Variants in CSNK1G2 observed in about 807,000 individuals in gnomAD.
CSNK1G2 encodes casein kinase I isoform gamma-2.
CSNK1G2 carries 11 observed loss-of-function variants against 48.0 expected under a neutral mutation model. The ratio of observed to expected loss-of-function variants is 0.23; its 90% confidence interval spans 0.14 to 0.38. The LOEUF (loss-of-function observed/expected upper bound fraction) is 0.38, where lower values mean the gene tolerates loss of function less well. Ranked by LOEUF, CSNK1G2 falls within the 10% of genes least tolerant of loss-of-function variation. CSNK1G2 has a pLI of 1.00. For synonymous variants in CSNK1G2, 337 were observed against 254.1 expected (o/e 1.33, Z -3.10); for missense variants, 446 against 595.5 (o/e 0.75, Z 2.61).
intron 1 of CSNK1G2, among the ~76,000 whole-genome samples, chr19:1,943,973 C>T (rs1370113504): frequency 5.9e-5 from 9 of 152,110 alleles, no homozygotes; most frequent in Admixed American, 3.9e-4. Context: ...CCTCGGGTGG[C>T]AGTGGGCAGG....
chr19:1,972,473 T>C (rs1166299369), intron 2 of CSNK1G2, among the ~76,000 whole-genome samples: 1 of 152,236 alleles, frequency 6.6e-6, no homozygotes, highest in Non-Finnish European at 1.5e-5. Flanking sequence ...ATATTGACTA[T>C]GCTCTCCTTA....
At chr19:1,976,246 C>T (rs528573360) in intron 2 of CSNK1G2, 21 of 549,374 alleles carry the variant, frequency 3.8e-5, no homozygotes, top group African/African-American at 8.0e-5. Context: ...GTTCTGAAAA[C>T]GCGGGGACCA....
chr19:1,980,112 AC>A (rs1208584990), intron 11 of CSNK1G2, 36 bp from the exon 12 acceptor site: 1 of 1,611,468 alleles, frequency 6.2e-7, no homozygotes, highest in Non-Finnish European at 8.5e-7. Flanking sequence ...CCCGCCCTGC[AC>A]CCCGGTCCTC....
chr19:1,974,179 A>G (rs965384096), intron 2 of CSNK1G2, among the ~76,000 whole-genome samples: 8 of 152,302 alleles, frequency 5.3e-5, no homozygotes, highest in African/African-American at 1.9e-4. Context: ...GGCATGAGCC[A>G]CTGCACCTGG....
intron 1 of CSNK1G2, among the ~76,000 whole-genome samples, chr19:1,948,484 T>C (rs993696279): frequency 5.9e-5 from 8 of 135,098 alleles, no homozygotes; most frequent in African/African-American, 1.7e-4. Flanking sequence ...GACCGCGCCA[T>C]TGCACTCCAT....
At chr19:1,968,414 G>A (rs1044409106) in intron 1 of CSNK1G2, among the ~76,000 whole-genome samples, 2 of 152,072 alleles carry the variant, frequency 1.3e-5, no homozygotes, top group Non-Finnish European at 2.9e-5. Flanking sequence ...GGACCGTCCT[G>A]CCTCCCGTCG....
chr19:1,960,158 G>A (rs1480524128), intron 1 of CSNK1G2, among the ~76,000 whole-genome samples: 1 of 152,214 alleles, frequency 6.6e-6, no homozygotes, highest in South Asian at 2.1e-4. Flanking sequence ...CGTCAGCACA[G>A]GGGCGTGTAG....
intron 2 of CSNK1G2, chr19:1,975,899 A>G: frequency 1.6e-6 from 1 of 611,988 alleles, no homozygotes; most frequent in Non-Finnish European, 2.0e-6. Context: ...AGCCAGGTTG[A>G]TGGTGCCTGC....
chr19:1,978,537 G>GGGGGCTGCGCAGGGGCA lies in CSNK1G2; in HGVS notation c.298+30_299-45dup. 6.4e-7 allele frequency: 1 copy of GGGGGCTGCGCAGGGGCA among 1,568,980 alleles called. No individual in the cohort carries two copies. Among genetic ancestry groups the GGGGGCTGCGCAGGGGCA allele is most frequent in the African/African-American group, 1.3e-5 (1 of 74,082 alleles). ...GTACCGGGCGGCCCGCGGGTGGGGC[G>GGGGGCTGCGCAGGGGCA]GGGGCTGCGCAGGGGCAGGGAGGGG... is the stretch of plus-strand genomic sequence containing the variant. On this transcript the variant is annotated intron_variant, in intron 4 of 11. Transcript: ENST00000255641. This position sits in a 1 kb window ranked among gnomAD's most constrained non-coding sequence, Gnocchi z 7.3.
chr19:1,979,557 G>C lies in CSNK1G2; in HGVS notation c.916G>C (p.Asp306His). The change falls in exon 9 of 12, where the codon GAC (aspartate) becomes CAC (histidine). Residue 306 changes from aspartate (D) to histidine (H), a missense_variant. This residue lies in a region of CSNK1G2 where 188 missense variants were observed against 179.6 expected (regional missense o/e 1.05). Transcript: ENST00000255641. ...RLDFFEKPDY[D>H]YLRKLFTDLF... ...GGACTTCTTCGAGAAGCCCGACTATGACTACCTGCGGAAGCTCTTCACCGA... is the reference window on the plus strand; with the variant it reads ...GGACTTCTTCGAGAAGCCCGACTATCACTACCTGCGGAAGCTCTTCACCGA... The C allele has an allele frequency of 6.2e-7, 1 of 1,609,080 alleles. No homozygotes were observed. Among genetic ancestry groups the C allele is most frequent in the Non-Finnish European group, 8.5e-7 (1 of 1,179,818 alleles).
chr19:1,963,594 G>A (rs992679949), intron 1 of CSNK1G2, among the ~76,000 whole-genome samples: 1 of 148,582 alleles, frequency 6.7e-6, no homozygotes, highest in Admixed American at 6.7e-5. Flanking sequence ...TGCAACCTTC[G>A]CCTTGCAGGT....
At chr19:1,966,277 A>T (rs2015363690) in intron 1 of CSNK1G2, among the ~76,000 whole-genome samples, 1 of 152,172 alleles carries the variant, frequency 6.6e-6, no homozygotes, top group African/African-American at 2.4e-5. Context: ...ACATGTCAGG[A>T]TGAGCGGAAG....
At position 1,953,712 on chromosome 19, in the gene CSNK1G2, G is replaced by A. The variant is rs115592767; in HGVS notation, c.-266+12294G>A. Reference sequence around the variant, plus strand: ...TGGGACGGGGTCCCTGCACAGCCTCGCCGTCCCCCACATCCCCCCAACAGG... The same window carrying A: ...TGGGACGGGGTCCCTGCACAGCCTCACCGTCCCCCACATCCCCCCAACAGG... On this transcript the variant is annotated intron_variant, in intron 1 of 11. Transcript: ENST00000255641. 8.5e-3 allele frequency: 3,295 copies of A among 387,618 alleles called. 113 individuals carry two copies. Among genetic ancestry groups the A allele is most frequent in the African/African-American group, 0.064 (3,075 of 47,786 alleles). The allele number at this position is 387,618 out of a possible 1,614,324, so 24.0% of individuals were successfully genotyped here.
Position 1,972,739 on chromosome 19 carries a change from C to T in CSNK1G2, c.187+2780C>T, listed in dbSNP as rs576137630. Among the ~76,000 whole-genome samples the T allele has an allele frequency of 2.7e-3, 414 of 152,240 alleles. 3 individuals carry two copies. The highest frequency in any genetic ancestry group is 9.6e-3 in the African/African-American group (400 of 41,536). On this transcript the variant is annotated intron_variant, in intron 2 of 11. Coordinates refer to ENST00000255641, the MANE Select transcript of CSNK1G2 (RefSeq NM_001319.7). ...TCGGGTTCAAGCAATTCTCTTGCCTCAGCCTCCCGAGTAGCTGGGATTACA... is the reference window on the plus strand; with the variant it reads ...TCGGGTTCAAGCAATTCTCTTGCCTTAGCCTCCCGAGTAGCTGGGATTACA...
At chr19:1,953,618 T>G in intron 1 of CSNK1G2, 1 of 426,960 alleles carries the variant, frequency 2.3e-6, no homozygotes, top group South Asian at 1.7e-5. Flanking sequence ...AGTGCCAGCT[T>G]TTCCCTGGTC....
At chr19:1,949,777 G>A (rs1276888827) in intron 1 of CSNK1G2, among the ~76,000 whole-genome samples, 2 of 152,184 alleles carry the variant, frequency 1.3e-5, no homozygotes, top group Non-Finnish European at 2.9e-5. Context: ...CCCCTCTTCC[G>A]GTGACTTGGT....
At chr19:1,948,918 A>G (rs2014667499) in intron 1 of CSNK1G2, among the ~76,000 whole-genome samples, 1 of 152,204 alleles carries the variant, frequency 6.6e-6, no homozygotes, top group Non-Finnish European at 1.5e-5. Flanking sequence ...ATGTGGAGAA[A>G]AGCAGAAGGA....
At chr19:1,962,884 C>T (rs1041635355) in intron 1 of CSNK1G2, among the ~76,000 whole-genome samples, 7 of 152,196 alleles carry the variant, frequency 4.6e-5, no homozygotes, top group East Asian at 1.9e-4. Flanking sequence ...CGTGCGCAGA[C>T]GCCGCCGTGG....
chr19:1,971,716 G>A (rs959771454), intron 2 of CSNK1G2, among the ~76,000 whole-genome samples: 1 of 150,972 alleles, frequency 6.6e-6, no homozygotes, highest in African/African-American at 2.4e-5. Context: ...GCAGGCTGCT[G>A]AATAGTGCAG....
Sources: allele counts gnomAD v4.1 joint callset (sites outside exome capture counted in the v4.1 genomes callset), GRCh38; gene constraint gnomAD v4.1.1; regional missense constraint gnomAD v4.1.1; non-coding constraint Gnocchi (gnomAD v3.1); transcripts MANE v1.5; gene names NCBI Gene and HGNC (gene_info 2026-07-23, HGNC 2026-07-21).